RGS22: variants seen among roughly 807,000 people sequenced by gnomAD.
The protein encoded by RGS22 is regulator of G-protein signaling 22.
A neutral mutation model predicts 172.9 loss-of-function variants in RGS22; 148 were observed. The ratio of observed to expected loss-of-function variants is 0.86; its 90% CI spans 0.75 to 0.98. The LOEUF (loss-of-function observed/expected upper bound fraction) is 0.98. Among genes scored for constraint, RGS22 ranks in the 50% least tolerant of loss-of-function variants. The pLI is 0.00. For synonymous variants in RGS22, 458 were observed against 480.2 expected (o/e 0.95, Z 0.60); for missense variants, 1,347 against 1,440.8 (o/e 0.93, Z 1.05).
intron 23 of RGS22, among the ~76,000 whole-genome samples, chr8:99,977,268 T>C (rs1812059577): frequency 6.9e-6 from 1 of 145,832 alleles, no homozygotes; most frequent in Non-Finnish European, 1.5e-5. Context: ...CACGCCCGGT[T>C]AATTTTTTTT....
chr8:99,971,439 C>G (rs1042843734), intron 23 of RGS22, among the ~76,000 whole-genome samples: 1 of 152,064 alleles, frequency 6.6e-6, no homozygotes, highest in Non-Finnish European at 1.5e-5. Flanking sequence ...GTCAAATTGT[C>G]TCTGTTTGCA....
In RGS22 at chr8:100,066,177, T is replaced by A. The variant is rs776810862; in HGVS notation, c.714A>T (p.Ser238=). The change falls in exon 7 of 28, where the codon TCA becomes TCT. Residue 238 remains serine, a synonymous_variant. Transcript: ENST00000360863. ...PYNKLKSPAI[S]SVSENFIFDD... ...TCCTTTTCTGCTTACCAGAAACAGA[T>A]GAAATAGCTGGTGATTTAAGTTTGT... is the stretch of plus-strand genomic sequence containing the variant. 1.4e-5 allele frequency: 22 copies of A among 1,612,302 alleles called. No homozygotes were observed. Among genetic ancestry groups the A allele is most frequent in the Non-Finnish European group, 1.9e-5 (22 of 1,179,178 alleles).
In RGS22 at chr8:100,071,448, T is replaced by G. The variant is rs565364266; in HGVS notation, c.515A>C (p.Lys172Thr). ...GSNFSPWIVK[K>T]PPSLPPPATE... ...GGCAGGAGGTGGTAGACTGGGTGGTTTTTTCACGATCCAGGGAGAAAAATT... is the reference window on the plus strand; with the variant it reads ...GGCAGGAGGTGGTAGACTGGGTGGTGTTTTCACGATCCAGGGAGAAAAATT... The change falls in exon 6 of 28, where the codon AAA (lysine) becomes ACA (threonine). Residue 172 changes from lysine (K) to threonine (T), a missense_variant. Coordinates refer to ENST00000360863, the MANE Select transcript of RGS22 (RefSeq NM_015668.5). 1.2e-6 allele frequency: 2 copies of G among 1,613,204 alleles called. No homozygotes were observed. The highest frequency in any genetic ancestry group is 3.3e-5 in the Admixed American group (2 of 59,964).
chr8:99,995,871 T>C (rs1479834492), intron 20 of RGS22, among the ~76,000 whole-genome samples: 1 of 152,112 alleles, frequency 6.6e-6, no homozygotes, highest in Non-Finnish European at 1.5e-5. Context: ...CAAATGTCCA[T>C]AAATGATAGA....
chr8:100,055,513 G>C (rs1256591838), intron 9 of RGS22, among the ~76,000 whole-genome samples: 1 of 152,114 alleles, frequency 6.6e-6, no homozygotes, highest in Non-Finnish European at 1.5e-5. Flanking sequence ...TCCCAAGAAG[G>C]ATGGGTACAA....
At position 100,080,460 on chromosome 8, in the gene RGS22, T is replaced by C. The variant is rs1586232237; in HGVS notation, c.118-105A>G. On this transcript the variant is annotated intron_variant, in intron 3 of 27. Coordinates refer to ENST00000360863, the MANE Select transcript of RGS22 (RefSeq NM_015668.5). ...TACATGCATGCATACCTCACAGAGTTCTGTGTTTGTAATCATTCCCTCTTC... is the reference window on the plus strand; with the variant it reads ...TACATGCATGCATACCTCACAGAGTCCTGTGTTTGTAATCATTCCCTCTTC... 3.9e-6 allele frequency: 3 copies of C among 764,400 alleles called. No homozygotes were observed. In the East Asian group the frequency reaches 8.1e-5, roughly 21 times the overall value. The allele number at this position is 764,400 out of a possible 1,614,324, so 47.4% of individuals were successfully genotyped here.
intron 23 of RGS22, among the ~76,000 whole-genome samples, chr8:99,967,124 G>A (rs527631243): frequency 7.9e-5 from 12 of 152,286 alleles, no homozygotes; most frequent in South Asian, 4.1e-4. Context: ...GCAAGGGGTC[G>A]GGGAACTCCC....
At chr8:100,074,125 G>A (rs917743926) in intron 4 of RGS22, among the ~76,000 whole-genome samples, 5 of 152,134 alleles carry the variant, frequency 3.3e-5, no homozygotes, top group African/African-American at 1.2e-4. Context: ...AGGGAAGATG[G>A]CTTTAGGTAA....
chr8:100,012,848 G>A (rs1411087033), intron 14 of RGS22, among the ~76,000 whole-genome samples: 1 of 151,888 alleles, frequency 6.6e-6, no homozygotes, highest in Non-Finnish European at 1.5e-5. Context: ...TTTGAAATAT[G>A]CTTTTTTCTT....
chr8:100,096,640 G>T, intron 2 of RGS22, among the ~76,000 whole-genome samples: 1 of 139,606 alleles, frequency 7.2e-6, no homozygotes, highest in Non-Finnish European at 1.6e-5. Context: ...TTCTTGCTCT[G>T]TCACTTAGGC....
intron 21 of RGS22, 46 bp downstream of exon 21, chr8:99,987,412 T>G: frequency 7.0e-7 from 1 of 1,431,888 alleles, no homozygotes; most frequent in Non-Finnish European, 9.5e-7. Context: ...TTTTAATGCA[T>G]TTCCTCCTCA....
chr8:100,039,996 A>G lies in RGS22; in HGVS notation c.2030T>C (p.Phe677Ser). 6.3e-7 allele frequency: 1 copy of G among 1,597,272 alleles called. No individual in the cohort carries two copies. Among genetic ancestry groups the G allele is most frequent in the Non-Finnish European group, 8.5e-7 (1 of 1,172,154 alleles). The change falls in exon 13 of 28, where the codon TTC (phenylalanine) becomes TCC (serine). Residue 677 changes from phenylalanine (F) to serine (S), a missense_variant. Coordinates refer to ENST00000360863, the MANE Select transcript of RGS22 (RefSeq NM_015668.5). Reference sequence around the variant, plus strand: ...TGAATGCTCGCAGAATTTAGTAAAGAAGAATCCAGCTCTATTTTCTACATA... The same window carrying G: ...TGAATGCTCGCAGAATTTAGTAAAGGAGAATCCAGCTCTATTTTCTACATA... ...SLYVENRAGF[F>S]FTKFCEHSGN...
chr8:100,053,646 T>A (rs1196858672), intron 9 of RGS22, among the ~76,000 whole-genome samples: 1 of 152,192 alleles, frequency 6.6e-6, no homozygotes, highest in Non-Finnish European at 1.5e-5. Flanking sequence ...ATACAAACTT[T>A]TTTTTTTGAC....
At position 99,969,570 on chromosome 8, in the gene RGS22, G is replaced by T. The variant is rs535169236; in HGVS notation, c.3520-4140C>A. On this transcript the variant is annotated intron_variant, in intron 23 of 27. Transcript: ENST00000360863. Reference sequence around the variant, plus strand: ...CAAATGGAAAGCAAAAAAAAAGCAGGGGTTGCAATTCTAGTCTCTGATGAA... The same window carrying T: ...CAAATGGAAAGCAAAAAAAAAGCAGTGGTTGCAATTCTAGTCTCTGATGAA... 1.5e-4 allele frequency among the ~76,000 whole-genome samples: 22 copies of T among 151,644 alleles called. No homozygotes were observed. In the South Asian group the frequency reaches 4.6e-3, roughly 32 times the overall value.
chr8:100,002,244 G>T lies in RGS22; in HGVS notation c.2748C>A (p.Phe916Leu), dbSNP rs1252898369. ...GAGAAGCTGGACTGTTGGGTCCAAA[G>T]AAATATTTTTTATTAAGGTATTTGT... ...IKNKYLNKKY[F>L]FGPNSPASLY... Residue 916 changes from phenylalanine to leucine, a missense_variant, in exon 18 of 28, where the codon TTC becomes TTA. Physicochemically the swap from Phe to Leu is conservative, Grantham distance 22 (BLOSUM62 0). Coordinates refer to ENST00000360863, the MANE Select transcript of RGS22 (RefSeq NM_015668.5). 5 of 1,608,206 alleles carry T rather than the reference G, an allele frequency of 3.1e-6. No individual in the cohort carries two copies. Among genetic ancestry groups the T allele is most frequent in the East Asian group, 4.5e-5 (2 of 44,578 alleles).
At chr8:100,067,455 G>A (rs903701799) in intron 6 of RGS22, among the ~76,000 whole-genome samples, 32 of 152,008 alleles carry the variant, frequency 2.1e-4, no homozygotes, top group African/African-American at 7.7e-4. Flanking sequence ...AATAGCCTAA[G>A]CAGGAGGCCA....
At chr8:100,033,449 C>T (rs961186877) in intron 14 of RGS22, among the ~76,000 whole-genome samples, 1 of 151,714 alleles carries the variant, frequency 6.6e-6, no homozygotes, top group African/African-American at 2.4e-5. Flanking sequence ...ACACATACAC[C>T]CTCCCAAGAC....
chr8:99,967,275 T>C (rs1458542015), intron 23 of RGS22, among the ~76,000 whole-genome samples: 2 of 151,772 alleles, frequency 1.3e-5, no homozygotes, highest in East Asian at 3.9e-4. Context: ...GTGCCCTGGG[T>C]TTCAAGCACA....
At position 100,094,223 on chromosome 8, in the gene RGS22, T is replaced by A. The variant is rs543900502; in HGVS notation, c.55-714A>T. On this transcript the variant is annotated intron_variant, in intron 2 of 27. Coordinates refer to ENST00000360863, the MANE Select transcript of RGS22 (RefSeq NM_015668.5). ...ATAAGACACCTTATTTTATTAGCAATTGTTTCCATTATGTCAAAAGCACAT... is the reference window on the plus strand; with the variant it reads ...ATAAGACACCTTATTTTATTAGCAAATGTTTCCATTATGTCAAAAGCACAT... Among the ~76,000 whole-genome samples, 520 of 152,308 alleles carry A rather than the reference T, an allele frequency of 3.4e-3. 4 individuals carry two copies. The highest frequency in any genetic ancestry group is 0.012 in the African/African-American group (490 of 41,574).
Sources: allele counts gnomAD v4.1 joint callset (sites outside exome capture counted in the v4.1 genomes callset), GRCh38; gene constraint gnomAD v4.1.1; transcripts MANE v1.5; gene names NCBI Gene and HGNC (gene_info 2026-07-23, HGNC 2026-07-21).